KCNQ1OT1: variants seen among roughly 807,000 people sequenced by gnomAD.
KCNQ1OT1 encodes the protein KCNQ1 opposite strand/antisense transcript 1.
At chr11:2,662,865 A>G (rs1480523543) in exon 1 of KCNQ1OT1, 3 of 398,432 alleles carry the variant, frequency 7.5e-6, no homozygotes, top group Admixed American at 4.4e-5. Flanking sequence ...CTCTACCAAC[A>G]TTTTTCTAAA....
At chr11:2,615,306 T>G (rs1468987140) in exon 1 of KCNQ1OT1, 1 of 397,988 alleles carries the variant, frequency 2.5e-6, no homozygotes, top group Non-Finnish European at 4.4e-6. Flanking sequence ...TTGTGGATTC[T>G]TTGATTTTCT....
At chr11:2,615,053 GTCT>G (rs1357483578) in exon 1 of KCNQ1OT1, 42 of 398,110 alleles carry the variant, frequency 1.1e-4, no homozygotes, top group Non-Finnish European at 5.3e-5. Context: ...ATTTATTTAA[GTCT>G]TCTTTAATTT....
rs1347632579 is a variant in KCNQ1OT1, at chr11:2,687,131, G to A, written n.12864C>T. ...CTTGACACACAAACTGCACAGGGAG[G>A]GGAGGAATCTGAGCCAGCTTCCTCC... is the stretch of plus-strand genomic sequence containing the variant. On this transcript the variant is annotated non_coding_transcript_exon_variant, in exon 1 of 1. Transcript: ENST00000597346. This position sits in a 1 kb window ranked among gnomAD's most constrained non-coding sequence, Gnocchi z 5.0. The A allele has an allele frequency of 7.5e-6, 3 of 398,496 alleles. No homozygotes were observed. Among genetic ancestry groups the A allele is most frequent in the Non-Finnish European group, 1.3e-5 (3 of 226,080 alleles). The allele number at this position is 398,496 out of a possible 1,614,324, so 24.7% of individuals were successfully genotyped here.
In KCNQ1OT1 at chr11:2,691,351, A is replaced by G. The variant is rs1850584704; in HGVS notation, n.8644T>C. ...TCCACTGCACTTACAGTGACCACCCATCCTGACATCTTGGGCTCAGGCCTC... is the reference window on the plus strand; with the variant it reads ...TCCACTGCACTTACAGTGACCACCCGTCCTGACATCTTGGGCTCAGGCCTC... On this transcript the variant is annotated non_coding_transcript_exon_variant, in exon 1 of 1. Coordinates refer to ENST00000597346, the Ensembl canonical transcript of KCNQ1OT1. This position sits in a 1 kb window ranked among gnomAD's most constrained non-coding sequence, Gnocchi z 6.4. 1 of 398,518 alleles carries G rather than the reference A, an allele frequency of 2.5e-6. No individual in the cohort carries two copies. The highest frequency in any genetic ancestry group is 2.1e-5 in the African/African-American group (1 of 48,630). The allele number at this position is 398,518 out of a possible 1,614,324, so 24.7% of individuals were successfully genotyped here. A position where few individuals can be genotyped will look rare whatever the true frequency, so the allele number is the denominator to read the frequency against.
exon 1 of KCNQ1OT1, chr11:2,610,716 C>CTTTTTTTTTTTTTT (rs1167505141): frequency 1.3e-4 from 30 of 230,160 alleles, no homozygotes; most frequent in East Asian, 3.6e-4. Flanking sequence ...TCTTGGTTGG[C>CTTTTTTTTTTTTTT]TTTTTTTTTT....
Position 2,677,694 on chromosome 11 carries a change from CA to C in KCNQ1OT1, n.22300del, listed in dbSNP as rs1282126043. 4.8e-5 allele frequency: 19 copies of C among 398,374 alleles called. No homozygotes were observed. Among genetic ancestry groups the C allele is most frequent in the African/African-American group, 3.5e-4 (17 of 48,610 alleles). The allele number at this position is 398,374 out of a possible 1,614,324, so 24.7% of individuals were successfully genotyped here. ...TAATATTTTAACTACTGTTATTTTT[CA>C]AATTAACTTCCCAATCAAATATCTC... On this transcript the variant is annotated non_coding_transcript_exon_variant, in exon 1 of 1. Coordinates refer to ENST00000597346, the Ensembl canonical transcript of KCNQ1OT1. This position sits in a 1 kb window ranked among gnomAD's most constrained non-coding sequence, Gnocchi z 4.5.
In KCNQ1OT1 at chr11:2,664,270, G is replaced by A. The variant is rs1037793781; in HGVS notation, n.35725C>T. Reference sequence around the variant, plus strand: ...GACTGGGAGAGGGAAAAACAAGGAGGTTGCTGCAAAGGGGCCACCTTGAGG... The same window carrying A: ...GACTGGGAGAGGGAAAAACAAGGAGATTGCTGCAAAGGGGCCACCTTGAGG... On this transcript the variant is annotated non_coding_transcript_exon_variant, in exon 1 of 1. Transcript: ENST00000597346. This position sits in a 1 kb window ranked among gnomAD's most constrained non-coding sequence, Gnocchi z 5.1. 2.5e-6 allele frequency: 1 copy of A among 398,970 alleles called. No homozygotes were observed. The highest frequency in any genetic ancestry group is 4.4e-5 in the Admixed American group (1 of 22,720). The allele number at this position is 398,970 out of a possible 1,614,324, so 24.7% of individuals were successfully genotyped here. A position where few individuals can be genotyped will look rare whatever the true frequency, so the allele number is the denominator to read the frequency against.
exon 1 of KCNQ1OT1, chr11:2,693,008 G>A (rs552120856): frequency 5.3e-5 from 21 of 398,620 alleles, no homozygotes; most frequent in South Asian, 1.3e-4. Flanking sequence ...AAGCAAGCAC[G>A]CTCAGTGAAG....
chr11:2,630,465 T>A (rs1849335250), exon 1 of KCNQ1OT1: 1 of 398,250 alleles, frequency 2.5e-6, no homozygotes, highest in African/African-American at 2.1e-5. Flanking sequence ...TTGGGGGGAA[T>A]ATTTTGATCT....
At chr11:2,610,916 A>T (rs1422666431) in exon 1 of KCNQ1OT1, 2 of 398,262 alleles carry the variant, frequency 5.0e-6, no homozygotes, top group Non-Finnish European at 8.8e-6. Context: ...GTTGGGTAAT[A>T]GTTCAATAAC....
rs543572217 is a variant in KCNQ1OT1, at chr11:2,695,434, T to C, written n.4561A>G. On this transcript the variant is annotated non_coding_transcript_exon_variant, in exon 1 of 1. Coordinates refer to ENST00000597346, the Ensembl canonical transcript of KCNQ1OT1. This position sits in a 1 kb window ranked among gnomAD's most constrained non-coding sequence, Gnocchi z 5.2. ...TCATGTACTGAGGCCCTCTTTCTGT[T>C]TGGCATTTGTGTCACTCAGCACTGT... The C allele has an allele frequency of 5.8e-5, 23 of 398,562 alleles. No homozygotes were observed. In the East Asian group the frequency reaches 6.8e-4, roughly 12 times the overall value. 24.7% of individuals were successfully genotyped at this position (398,562 alleles called of 1,614,324 possible).
chr11:2,681,461 G>A, exon 1 of KCNQ1OT1: 1 of 398,512 alleles, frequency 2.5e-6, no homozygotes, highest in Non-Finnish European at 4.4e-6. Flanking sequence ...TAACCTTAAT[G>A]GCCTCAGGCT....
chr11:2,634,135 AT>A (rs35461041), exon 1 of KCNQ1OT1: 1,021 of 381,302 alleles, frequency 2.7e-3, no homozygotes, highest in Middle Eastern at 5.8e-3. Context: ...TGTCTTTGGT[AT>A]TTTTTTTTTT....
At chr11:2,609,593 G>A in exon 1 of KCNQ1OT1, 3 of 398,122 alleles carry the variant, frequency 7.5e-6, no homozygotes, top group South Asian at 2.6e-4. Flanking sequence ...CTTCTTTCTT[G>A]TACTACACAT....
At position 2,647,688 on chromosome 11, in the gene KCNQ1OT1, G is replaced by A. The variant is rs1332146250; in HGVS notation, n.52307C>T. 1 of 398,296 alleles carries A rather than the reference G, an allele frequency of 2.5e-6. No individual in the cohort carries two copies. The highest frequency in any genetic ancestry group is 2.1e-5 in the African/African-American group (1 of 48,576). 24.7% of individuals were successfully genotyped at this position (398,296 alleles called of 1,614,324 possible). A position where few individuals can be genotyped will look rare whatever the true frequency, so the allele number is the denominator to read the frequency against. On this transcript the variant is annotated non_coding_transcript_exon_variant, in exon 1 of 1. Transcript: ENST00000597346. The surrounding 1 kb of genome is among the most constrained non-coding windows in gnomAD (Gnocchi z 4.0). ...CAATCTCATTCCTTGTTATTGCTCTGTTCAGATTTTTTTTCTTCCTGGTTC... is the reference window on the plus strand; with the variant it reads ...CAATCTCATTCCTTGTTATTGCTCTATTCAGATTTTTTTTCTTCCTGGTTC...
In KCNQ1OT1 at chr11:2,659,588, A is replaced by C. The variant is rs78848741; in HGVS notation, n.40407T>G. Reference sequence around the variant, plus strand: ...CACATTTATGTACAGGTTTTTGCGAACATAAAAATTCAATTCACTTGGGTG... The same window carrying C: ...CACATTTATGTACAGGTTTTTGCGACCATAAAAATTCAATTCACTTGGGTG... On this transcript the variant is annotated non_coding_transcript_exon_variant, in exon 1 of 1. Coordinates refer to ENST00000597346, the Ensembl canonical transcript of KCNQ1OT1. The surrounding 1 kb of genome is among the most constrained non-coding windows in gnomAD (Gnocchi z 4.3). 2,574 of 398,534 alleles carry C rather than the reference A, an allele frequency of 6.5e-3. 56 individuals are homozygous for C. Among genetic ancestry groups the C allele is most frequent in the African/African-American group, 0.045 (2,209 of 48,748 alleles). The allele number at this position is 398,534 out of a possible 1,614,324, so 24.7% of individuals were successfully genotyped here. A position where few individuals can be genotyped will look rare whatever the true frequency, so the allele number is the denominator to read the frequency against.
chr11:2,692,303 C>T, exon 1 of KCNQ1OT1: 1 of 399,018 alleles, frequency 2.5e-6, no homozygotes, highest in Non-Finnish European at 4.4e-6. Context: ...TGCTTCCCTC[C>T]ATCCCTATTG....
exon 1 of KCNQ1OT1, chr11:2,662,193 T>A: frequency 6.9e-7 from 1 of 1,445,484 alleles, no homozygotes; most frequent in Non-Finnish European, 9.5e-7. Context: ...TCTACTCGCC[T>A]AGTGCCCACC....
At chr11:2,630,777 T>C in exon 1 of KCNQ1OT1, 1 of 398,504 alleles carries the variant, frequency 2.5e-6, no homozygotes, top group Admixed American at 4.4e-5. Flanking sequence ...TAGTTGCTGA[T>C]AAACTCCTTC....
Sources: allele counts gnomAD v4.1 joint callset, GRCh38; gene constraint gnomAD v4.1.1; non-coding constraint Gnocchi (gnomAD v3.1); transcripts MANE v1.5; gene names NCBI Gene and HGNC (gene_info 2026-07-23, HGNC 2026-07-21).